SETX: variants seen among roughly 807,000 people sequenced by gnomAD.
SETX encodes the protein helicase senataxin.
A neutral mutation model predicts 227.2 loss-of-function variants in SETX; 90 were observed. The ratio of observed to expected loss-of-function variants is 0.40; its 90% CI spans 0.33 to 0.47. The LOEUF (loss-of-function observed/expected upper bound fraction) is 0.47. Among genes scored for constraint, SETX ranks in the 20% least tolerant of loss-of-function variants. The pLI, the probability that SETX is intolerant of heterozygous loss-of-function variation, is 0.91. For missense variants in SETX, 3,052 were observed against 3,181.5 expected (o/e 0.96, Z 0.98); for synonymous variants, 1,210 against 1,113.2 (o/e 1.09, Z -1.73).
At position 132,336,364 on chromosome 9, in the gene SETX, T is replaced by C; in HGVS notation, c.650A>G (p.Glu217Gly). The change falls in exon 6 of 26, where the codon GAG becomes GGG. Residue 217 changes from glutamate (E) to glycine (G), a missense_variant. This residue lies in a region of SETX where 239 missense variants were observed against 240.8 expected (regional missense o/e 0.99). Transcript: ENST00000224140. ...GGGCAGAAGAATCAGTTTACCCTTC[T>C]CTAGGACAGAAGAAGTATAAATGTC... ...SPDIYTSSVL[E>G]KGKLILLPSH... 1 of 1,614,160 alleles carries C rather than the reference T, an allele frequency of 6.2e-7. No homozygotes were observed. Among genetic ancestry groups the C allele is most frequent in the Non-Finnish European group, 8.5e-7 (1 of 1,180,008 alleles).
At chr9:132,355,469 A>C (rs929473160), upstream of SETX, among the ~76,000 whole-genome samples, 2 of 152,262 alleles carry the variant, frequency 1.3e-5, no homozygotes, top group African/African-American at 4.8e-5. Flanking sequence ...TTTCGGAGGA[A>C]TATGTGTATA....
At chr9:132,313,150 G>T (rs1845765086) in intron 10 of SETX, among the ~76,000 whole-genome samples, 1 of 152,100 alleles carries the variant, frequency 6.6e-6, no homozygotes, top group Non-Finnish European at 1.5e-5. Flanking sequence ...TCTAAAACTG[G>T]GTTGTGGTGA....
chr9:132,277,948 A>G, intron 21 of SETX, 122 bp downstream of exon 21: 1 of 993,104 alleles, frequency 1.0e-6, no homozygotes, highest in South Asian at 1.4e-5. Flanking sequence ...ACAGGACAAA[A>G]TTATTAACCC....
intron 15 of SETX, among the ~76,000 whole-genome samples, chr9:132,289,902 T>C (rs1430973641): frequency 6.6e-6 from 1 of 152,226 alleles, no homozygotes; most frequent in African/African-American, 2.4e-5. Flanking sequence ...ATTTCTTCTA[T>C]TGGGTTTTTT....
At chr9:132,325,127 C>T (rs529895271) in intron 10 of SETX, among the ~76,000 whole-genome samples, 91 of 152,130 alleles carry the variant, frequency 6.0e-4, no homozygotes, top group African/African-American at 2.0e-3. Context: ...GAGGCCAAGG[C>T]GGGCAGATCA....
At chr9:132,294,416 A>G (rs372410174) in intron 15 of SETX, among the ~76,000 whole-genome samples, 2 of 152,268 alleles carry the variant, frequency 1.3e-5, no homozygotes, top group East Asian at 3.8e-4. Flanking sequence ...AACACCCTAT[A>G]GCAGTTAATA....
In SETX at chr9:132,269,658, G is replaced by C; in HGVS notation, c.7244C>G (p.Ala2415Gly). The change falls in exon 25 of 26, where the codon GCC (alanine) becomes GGC (glycine). Residue 2415 changes from alanine (A) to glycine (G), a missense_variant. Physicochemically the swap from Ala to Gly is moderately conservative, Grantham distance 60 (BLOSUM62 0). Transcript: ENST00000224140. ...TCCGAGGATGAAGAGGCTGTACTTGGCTCGTGTGATGGTGACATTCAATCT... is the reference window on the plus strand; with the variant it reads ...TCCGAGGATGAAGAGGCTGTACTTGCCTCGTGTGATGGTGACATTCAATCT... ...LQRLNVTITR[A>G]KYSLFILGHL... 6.2e-7 allele frequency: 1 copy of C among 1,614,208 alleles called. No homozygotes were observed. Among genetic ancestry groups the C allele is most frequent in the Non-Finnish European group, 8.5e-7 (1 of 1,180,024 alleles).
chr9:132,309,037 T>C (rs906637855), intron 11 of SETX, among the ~76,000 whole-genome samples: 5 of 151,854 alleles, frequency 3.3e-5, no homozygotes, highest in African/African-American at 9.7e-5. Flanking sequence ...ACTCGGGAGG[T>C]TGAGGCAGGA....
Position 132,329,408 on chromosome 9 carries a change from A to G in SETX, c.2190T>C (p.Asn730=). 6.2e-7 allele frequency: 1 copy of G among 1,613,750 alleles called. No homozygotes were observed. Among genetic ancestry groups the G allele is most frequent in the Non-Finnish European group, 8.5e-7 (1 of 1,179,960 alleles). The change falls in exon 10 of 26, where the codon AAT becomes AAC. Residue 730 remains asparagine (N), a synonymous_variant. Coordinates refer to ENST00000224140, the MANE Select transcript of SETX (RefSeq NM_015046.7). Reference sequence around the variant, plus strand: ...CTCTGTCACATCCCCTTTCTGGACCATTTCTTGAAGTACAGTCCTTTGGTG... The same window carrying G: ...CTCTGTCACATCCCCTTTCTGGACCGTTTCTTGAAGTACAGTCCTTTGGTG... The part of the protein sequence containing the change: ...SYTPKDCTSR[N]GPERGCDRGI...
intron 11 of SETX, among the ~76,000 whole-genome samples, chr9:132,309,417 CTCAG>C (rs1845519728): frequency 6.6e-6 from 1 of 152,084 alleles, no homozygotes; most frequent in Non-Finnish European, 1.5e-5. Flanking sequence ...ACCCACATGC[CTCAG>C]TCAGAAACAA....
At chr9:132,267,431 A>G (rs1163830676) in intron 25 of SETX, among the ~76,000 whole-genome samples, 1 of 152,262 alleles carries the variant, frequency 6.6e-6, no homozygotes, top group African/African-American at 2.4e-5. Flanking sequence ...AAGATCACAG[A>G]AACAGTTCTG....
chr9:132,296,014 C>T lies in SETX; in HGVS notation c.5964G>A (p.Gly1988=), dbSNP rs775658101. The T allele has an allele frequency of 9.3e-6, 15 of 1,614,126 alleles. No homozygotes were observed. Among genetic ancestry groups the T allele is most frequent in the Non-Finnish European group, 1.2e-5 (14 of 1,180,040 alleles). The change falls in exon 15 of 26, where the codon GGG becomes GGA. Residue 1988 remains glycine (G), a synonymous_variant. Transcript: ENST00000224140. ...TGGCATTGGAGTTTTCGTCTGAATG[C>T]CCCTTCCTCTGGTTCTACAATTTGC... ...YRLLTENQRK[G]HSDENSNAKI...
Position 132,279,699 on chromosome 9 carries a change from G to A in SETX, c.6655-1442C>T, listed in dbSNP as rs115768334. 4.7e-3 allele frequency among the ~76,000 whole-genome samples: 718 copies of A among 152,240 alleles called. 4 individuals are homozygous for A. The highest frequency in any genetic ancestry group is 0.017 in the African/African-American group (686 of 41,536). On this transcript the variant is annotated intron_variant, in intron 20 of 25. Coordinates refer to ENST00000224140, the MANE Select transcript of SETX (RefSeq NM_015046.7). Reference sequence around the variant, plus strand: ...CCTAAATCCTCAAAAGTTTATCTGCGTTAGCTCACAAAACCTAATTTTTAA... The same window carrying A: ...CCTAAATCCTCAAAAGTTTATCTGCATTAGCTCACAAAACCTAATTTTTAA...
chr9:132,290,794 G>A (rs13289651), intron 15 of SETX, among the ~76,000 whole-genome samples: 1 of 151,974 alleles, frequency 6.6e-6, no homozygotes, highest in African/African-American at 2.4e-5. Flanking sequence ...TACTTGGAAG[G>A]CAGAGATGGG....
At chr9:132,333,393 AAAAAG>A (rs201246034) in intron 7 of SETX, among the ~76,000 whole-genome samples, 993 of 52,938 alleles carry the variant, frequency 0.019, 110 homozygotes, top group East Asian at 0.16. Context: ...GAAAAAAAAA[AAAAAG>A]AAAAAAAAAA....
At chr9:132,277,990 A>C in intron 21 of SETX, 80 bp downstream of exon 21, 4 of 1,361,100 alleles carry the variant, frequency 2.9e-6, no homozygotes, top group Non-Finnish European at 4.2e-6. Flanking sequence ...GACAAGACCT[A>C]AGACGACAGT....
At chr9:132,276,351 T>C (rs1020168560) in intron 22 of SETX, among the ~76,000 whole-genome samples, 15 of 152,196 alleles carry the variant, frequency 9.9e-5, no homozygotes, top group African/African-American at 3.6e-4. Context: ...CTCCTCTGTA[T>C]GTGTAACCTC....
rs1847010084 is a variant in SETX, at chr9:132,328,609, A to T, written c.2989T>A (p.Cys997Ser). 1 of 1,613,532 alleles carries T rather than the reference A, an allele frequency of 6.2e-7. No homozygotes were observed. The highest frequency in any genetic ancestry group is 1.7e-5 in the Admixed American group (1 of 59,908). Residue 997 changes from cysteine to serine, a missense_variant, in exon 10 of 26, where the codon TGT becomes AGT. Physicochemically the swap from Cys to Ser is moderately radical, Grantham distance 112. Coordinates refer to ENST00000224140, the MANE Select transcript of SETX (RefSeq NM_015046.7). ...ACATTATTTTGGTTAGCTGTGAAAC[A>T]TCTTTTATCTTCTTTTACTTTCCTT... ...LQRKVKEDKR[C>S]FTANQNNVGD...
Position 132,336,393 on chromosome 9 carries a change from A to T in SETX, c.621T>A (p.Ser207Arg). 2.5e-6 allele frequency: 4 copies of T among 1,614,020 alleles called. No individual in the cohort carries two copies. Among genetic ancestry groups the T allele is most frequent in the African/African-American group, 1.3e-5 (1 of 75,030 alleles). Residue 207 changes from serine to arginine, a missense_variant, in exon 6 of 26, where the codon AGT (serine) becomes AGA (arginine). Transcript: ENST00000224140. ...GGACAGAAGAAGTATAAATGTCTGG[A>T]CTCTCTAAAAGCCCCAACTCAATGA... ...FKVIELGLLE[S>R]PDIYTSSVLE...
Sources: gnomAD v4.1 joint callset for allele counts (sites outside exome capture counted in the v4.1 genomes callset) on GRCh38, gnomAD v4.1.1 for gene constraint, gnomAD v4.1.1 regional missense constraint, MANE v1.5 for transcripts, NCBI Gene and HGNC (gene_info 2026-07-23, HGNC 2026-07-21) for gene names.